ARID5B: variants seen among roughly 807,000 people sequenced by gnomAD.
The protein encoded by ARID5B is AT-rich interaction domain 5B.
A neutral mutation model predicts 97.2 loss-of-function variants in ARID5B; 13 were observed. The observed-to-expected ratio is 0.13, with a 90% CI of 0.09 to 0.21. The LOEUF is 0.21. Ranked by LOEUF, ARID5B falls within the 10% of genes least tolerant of loss-of-function variation. The pLI is 1.00. For missense variants in ARID5B, 1,210 were observed against 1,465.3 expected (o/e 0.83, Z 2.84); for synonymous variants, 556 against 570.3 (o/e 0.97, Z 0.36).
rs1318032963 is a variant in ARID5B at position 62,091,112 on chromosome 10, A to G, written c.1649A>G (p.Glu550Gly). 1 of 1,614,036 alleles carries G rather than the reference A, an allele frequency of 6.2e-7. No homozygotes were observed. The highest frequency in any genetic ancestry group is 8.5e-7 in the Non-Finnish European group (1 of 1,180,024). Residue 550 changes from glutamate to glycine, a missense_variant, in exon 10 of 10, where the codon GAA becomes GGA. Transcript: ENST00000279873. ...CTCCCAAGTGCTCCTCTGGCCCCAG[A>G]AAAAGATTCAGCCTTGGTCCCTGGG... ...PPLPSAPLAP[E>G]KDSALVPGAS...
At chr10:62,050,674 A>G (rs1171550406) in intron 4 of ARID5B, among the ~76,000 whole-genome samples, 2 of 152,212 alleles carry the variant, frequency 1.3e-5, no homozygotes, top group Non-Finnish European at 2.9e-5. Flanking sequence ...TTAAAGCTAA[A>G]TAGATTAGCT....
At chr10:62,087,835 C>G (rs1461600703) in intron 9 of ARID5B, among the ~76,000 whole-genome samples, 1 of 150,708 alleles carries the variant, frequency 6.6e-6, no homozygotes. Flanking sequence ...GCTCTAGTAA[C>G]TAAAAAGGGG....
intron 4 of ARID5B, among the ~76,000 whole-genome samples, chr10:62,037,974 A>AG (rs1839586695): frequency 6.6e-6 from 1 of 152,206 alleles, no homozygotes; most frequent in Non-Finnish European, 1.5e-5. Context: ...TGCTGGTTGG[A>AG]GGAGTGGCTT....
chr10:61,976,662 C>T lies in ARID5B; in HGVS notation c.503-23429C>T, dbSNP rs562754753. ...GGTGGTGCCGCTGAAACTCTGCCAGCGGGAGAATGTTCATTGAGTCAGTGG... is the reference window on the plus strand; with the variant it reads ...GGTGGTGCCGCTGAAACTCTGCCAGTGGGAGAATGTTCATTGAGTCAGTGG... On this transcript the variant is annotated intron_variant, in intron 3 of 9. Transcript: ENST00000279873. Among the ~76,000 whole-genome samples, 10 of 152,228 alleles carry T rather than the reference C, an allele frequency of 6.6e-5. 1 individual carries two copies. The highest frequency in any genetic ancestry group is 3.3e-4 in the Admixed American group (5 of 15,288).
intron 4 of ARID5B, among the ~76,000 whole-genome samples, chr10:62,031,806 C>T (rs1046814735): frequency 5.3e-5 from 8 of 152,124 alleles, no homozygotes; most frequent in Non-Finnish European, 1.5e-5. Context: ...CCCAGAGTTG[C>T]CAGATCTCTC....
Position 61,943,282 on chromosome 10 carries a change from T to C in ARID5B, c.502+2874T>C, listed in dbSNP as rs112396713. Among the ~76,000 whole-genome samples, 24 of 152,332 alleles carry C rather than the reference T, an allele frequency of 1.6e-4. 2 individuals are homozygous for C. Among genetic ancestry groups the C allele is most frequent in the African/African-American group, 5.5e-4 (23 of 41,586 alleles). Reference sequence around the variant, plus strand: ...CTCTTCTATAACATCAAAATATTTGTTGTCTGTACTTTTCTTTCTCCGCAG... The same window carrying C: ...CTCTTCTATAACATCAAAATATTTGCTGTCTGTACTTTTCTTTCTCCGCAG... On this transcript the variant is annotated intron_variant, in intron 3 of 9. Coordinates refer to ENST00000279873, the MANE Select transcript of ARID5B (RefSeq NM_032199.3).
chr10:61,995,287 T>C (rs1838981245), intron 3 of ARID5B, among the ~76,000 whole-genome samples: 1 of 152,198 alleles, frequency 6.6e-6, no homozygotes, highest in Non-Finnish European at 1.5e-5. Context: ...GAAAATATCT[T>C]ACACAGCATT....
At chr10:61,965,693 A>G (rs1838535777) in intron 3 of ARID5B, among the ~76,000 whole-genome samples, 1 of 152,210 alleles carries the variant, frequency 6.6e-6, no homozygotes, top group South Asian at 2.1e-4. Context: ...TGCAAGAACT[A>G]CTTTAGTAAA....
chr10:61,983,185 C>T (rs1838800056), intron 3 of ARID5B, among the ~76,000 whole-genome samples: 1 of 152,058 alleles, frequency 6.6e-6, no homozygotes, highest in Non-Finnish European at 1.5e-5. Context: ...GAAGTAAGGA[C>T]CTGAAAGCTT....
chr10:61,991,070 A>ACACACACACACC (rs1304611299), intron 3 of ARID5B, among the ~76,000 whole-genome samples: 5 of 151,670 alleles, frequency 3.3e-5, no homozygotes, highest in Admixed American at 2.0e-4. Flanking sequence ...ACACACACAC[A>ACACACACACACC]CACCAAATTT....
chr10:62,077,582 T>C (rs1013272219), intron 8 of ARID5B, among the ~76,000 whole-genome samples: 14 of 152,148 alleles, frequency 9.2e-5, no homozygotes, highest in Non-Finnish European at 1.6e-4. Context: ...TCCTTTATTG[T>C]CTCATTTTTG....
intron 3 of ARID5B, among the ~76,000 whole-genome samples, chr10:61,977,034 G>C (rs545595583): frequency 6.6e-6 from 1 of 151,838 alleles, no homozygotes; most frequent in Admixed American, 6.6e-5. Context: ...AACAGGCCCC[G>C]GTGTGTCATG....
intron 6 of ARID5B, among the ~76,000 whole-genome samples, chr10:62,058,168 A>G (rs1315134513): frequency 6.6e-6 from 1 of 152,224 alleles, no homozygotes; most frequent in Non-Finnish European, 1.5e-5. Context: ...CGCAGCCATT[A>G]TAAACTTATA....
At chr10:61,919,928 T>C (rs1321170760) in intron 2 of ARID5B, among the ~76,000 whole-genome samples, 1 of 152,166 alleles carries the variant, frequency 6.6e-6, no homozygotes, top group Non-Finnish European at 1.5e-5. Flanking sequence ...GGTTTGTTTT[T>C]ATTTCTTTAC....
At position 62,030,134 on chromosome 10, in the gene ARID5B, C is replaced by CT. The variant is rs547553279; in HGVS notation, c.734-20743dup. 8.1e-3 allele frequency among the ~76,000 whole-genome samples: 1,174 copies of CT among 145,696 alleles called. 12 individuals are homozygous for CT. The highest frequency in any genetic ancestry group is 0.022 in the African/African-American group (871 of 39,996). Reference sequence around the variant, plus strand: ...GGGTTTTTCTTTTCTTTTTCTTTTTCTTTTTTTTTTTGAGACAGAATTTCA... The same window carrying CT: ...GGGTTTTTCTTTTCTTTTTCTTTTTCTTTTTTTTTTTTGAGACAGAATTTCA... On this transcript the variant is annotated intron_variant, in intron 4 of 9. Transcript: ENST00000279873.
At chr10:62,012,910 C>G (rs1038625543) in intron 4 of ARID5B, among the ~76,000 whole-genome samples, 1 of 152,122 alleles carries the variant, frequency 6.6e-6, no homozygotes, top group African/African-American at 2.4e-5. Context: ...ATTGTTTCCT[C>G]CACAGTTTTG....
intron 2 of ARID5B, among the ~76,000 whole-genome samples, chr10:61,909,712 C>A (rs1843770993): frequency 6.6e-6 from 1 of 152,218 alleles, no homozygotes; most frequent in African/African-American, 2.4e-5. Flanking sequence ...TACCCAGTTT[C>A]TTTCTGGCAG....
chr10:62,022,348 T>C (rs775339123), intron 4 of ARID5B, among the ~76,000 whole-genome samples: 1 of 152,166 alleles, frequency 6.6e-6, no homozygotes, highest in Non-Finnish European at 1.5e-5. Flanking sequence ...TTGATCCTGA[T>C]AGAAGCAGGA....
intron 2 of ARID5B, among the ~76,000 whole-genome samples, chr10:61,910,891 G>A (rs543896503): frequency 6.6e-6 from 1 of 152,322 alleles, no homozygotes; most frequent in African/African-American, 2.4e-5. Flanking sequence ...GACGCACAGT[G>A]GCGTGTGTCC....
Sources: allele counts gnomAD v4.1 joint callset (sites outside exome capture counted in the v4.1 genomes callset), GRCh38; gene constraint gnomAD v4.1.1; transcripts MANE v1.5; gene names NCBI Gene and HGNC (gene_info 2026-07-23, HGNC 2026-07-21).